Variants in PHKA1 observed in about 807,000 individuals in gnomAD.
PHKA1 encodes phosphorylase kinase regulatory subunit alpha 1.
PHKA1 carries 60 observed loss-of-function variants against 110.2 expected under a neutral mutation model. That is an observed-to-expected ratio of 0.54 (90% CI 0.44 to 0.68). PHKA1 has a LOEUF of 0.68. Ranked by LOEUF, PHKA1 falls within the 30% of genes least tolerant of loss-of-function variation. The probability of loss-of-function intolerance (pLI) is 0.00; values close to 1 mark genes in which losing one functional copy is unlikely to be tolerated. For missense variants in PHKA1, 801 were observed against 942.5 expected (o/e 0.85, Z 1.97); for synonymous variants, 316 against 333.6 (o/e 0.95, Z 0.58).
Position 72,599,833 on chromosome X carries a change from T to A in PHKA1, c.3072+2158A>T, listed in dbSNP as rs782286841. ...GCAGTTACCATAAAAGACGGTGACA[T>A]CAAATCTATACCCAGGGGATGACCA... On this transcript the variant is annotated intron_variant, in intron 28 of 31. Transcript: ENST00000373542. The A allele has an allele frequency of 3.1e-4, 172 of 549,909 alleles. No homozygotes were observed. The African/African-American group carries it at 3.5e-3, about 11-fold the overall frequency. 45.3% of individuals were successfully genotyped at this position (549,909 alleles called of 1,213,427 possible). A position where few individuals can be genotyped will look rare whatever the true frequency, so the allele number is the denominator to read the frequency against.
intron 26 of PHKA1, 78 bp from the exon 27 acceptor site, chrX:72,602,351 CT>C (rs1245627843): frequency 3.9e-5 from 23 of 592,495 alleles, no homozygotes; most frequent in African/African-American, 3.6e-4. Context: ...TTAAAAAAAA[CT>C]TTCATATATA....
intron 2 of PHKA1, chrX:72,707,990 G>A (rs2054316111): frequency 9.0e-6 from 1 of 111,314 alleles, no homozygotes; most frequent in Non-Finnish European, 1.9e-5. Context: ...TGGTCTGTGA[G>A]GAAGGACAGG....
chrX:72,705,850 T>C (rs1401550957), intron 2 of PHKA1, among the ~76,000 whole-genome samples: 3 of 112,036 alleles, frequency 2.7e-5, no homozygotes, highest in African/African-American at 9.7e-5. Flanking sequence ...TGTTTTCCAA[T>C]CATAACATCT....
At chrX:72,582,284 A>G in intron 31 of PHKA1, 114 bp downstream of exon 31, 1 of 532,768 alleles carries the variant, frequency 1.9e-6, no homozygotes, top group Non-Finnish European at 3.2e-6. Flanking sequence ...GGCCCAAAAA[A>G]GAAGTATGAG....
At chrX:72,621,966 T>A (rs2052985776) in intron 18 of PHKA1, 1 of 736,897 alleles carries the variant, frequency 1.4e-6, no homozygotes, top group African/African-American at 2.3e-5. Flanking sequence ...TCCAATGGAA[T>A]GAGTACTACA....
In PHKA1 at chrX:72,712,818, G is replaced by A. The variant is rs998259680; in HGVS notation, c.198C>T (p.Asp66=). 1.7e-6 allele frequency: 2 copies of A among 1,209,507 alleles called. No homozygotes were observed. The highest frequency in any genetic ancestry group is 2.2e-6 in the Non-Finnish European group (2 of 893,935). ...AGGCCTTTGCCTTATCCTCATCCCG[G>A]TCTGCATTCTTCCGATAGGCCAGGC... The part of the protein sequence containing the change: ...GLGLAYRKNA[D]RDEDKAKAYE... The change falls in exon 2 of 32, where the codon GAC becomes GAT. Residue 66 remains aspartate (D), a synonymous_variant. Transcript: ENST00000373542.
chrX:72,649,731 C>T (rs942653999), intron 13 of PHKA1, among the ~76,000 whole-genome samples: 8 of 111,031 alleles, frequency 7.2e-5, no homozygotes, highest in South Asian at 3.9e-4. Context: ...CAGTGGCTCG[C>T]GCCTGTAATC....
intron 23 of PHKA1, among the ~76,000 whole-genome samples, chrX:72,605,960 T>A (rs1556250658): frequency 4.4e-5 from 5 of 112,475 alleles, no homozygotes; most frequent in Non-Finnish European, 9.4e-5. Context: ...TACAAAGTAC[T>A]AAATTAATTT....
In PHKA1 at chrX:72,595,190, C is replaced by T. The variant is rs782818365; in HGVS notation, c.3073-1916G>A. The stretch of plus-strand genomic sequence containing the variant: ...CATCAACAGAATAAAAGATAAAAAA[C>T]GCATCATCTTAATAGATACAGAAAA... On this transcript the variant is annotated intron_variant, in intron 28 of 31. Coordinates refer to ENST00000373542, the MANE Select transcript of PHKA1 (RefSeq NM_002637.4). Among the ~76,000 whole-genome samples the T allele has an allele frequency of 3.6e-5, 4 of 111,533 alleles. No individual in the cohort carries two copies. The South Asian group carries it at 1.1e-3, about 31-fold the overall frequency.
chrX:72,626,896 C>T lies in PHKA1; in HGVS notation c.1793+75G>A, dbSNP rs1603258569. 4 of 780,630 alleles carry T rather than the reference C, an allele frequency of 5.1e-6. No individual in the cohort carries two copies. The Admixed American group carries it at 6.7e-5, about 13-fold the overall frequency. 64.3% of individuals were successfully genotyped at this position (780,630 alleles called of 1,213,427 possible). ...GGGACTATCATACACAGAAAGGCAT[C>T]ACAGGTATGCCACTACTATATCCAG... On this transcript the variant is annotated intron_variant, in intron 17 of 31. Transcript: ENST00000373542.
intron 29 of PHKA1, among the ~76,000 whole-genome samples, chrX:72,585,342 C>T (rs2052408196): frequency 9.0e-6 from 1 of 111,714 alleles, no homozygotes; most frequent in Admixed American, 9.5e-5. Flanking sequence ...AAGAATTTTT[C>T]ATCTGTGGAT....
intron 3 of PHKA1, among the ~76,000 whole-genome samples, chrX:72,701,546 C>T (rs1200135487): frequency 2.7e-5 from 3 of 111,372 alleles, no homozygotes; most frequent in African/African-American, 6.5e-5. Flanking sequence ...TGGTGAAACA[C>T]CGTCCCTACT....
chrX:72,596,392 G>C (rs1556234303), intron 28 of PHKA1, among the ~76,000 whole-genome samples: 1 of 111,273 alleles, frequency 9.0e-6, no homozygotes, highest in African/African-American at 3.3e-5. Flanking sequence ...CAAGCCTATA[G>C]TTAATGATAC....
At chrX:72,609,781 A>G in intron 22 of PHKA1, 78 bp from the exon 23 acceptor site, 1 of 713,114 alleles carries the variant, frequency 1.4e-6, no homozygotes, top group Non-Finnish European at 2.3e-6. Context: ...CAGCTGAAAA[A>G]CCTTTGCTCC....
intron 29 of PHKA1, among the ~76,000 whole-genome samples, chrX:72,587,762 A>G (rs2052455530): frequency 9.0e-6 from 1 of 111,539 alleles, no homozygotes; most frequent in Non-Finnish European, 1.9e-5. Flanking sequence ...TGGAAAGCAA[A>G]AAAAAGCAGG....
chrX:72,700,670 TC>T (rs1220759196), intron 3 of PHKA1, among the ~76,000 whole-genome samples: 1 of 111,911 alleles, frequency 8.9e-6, no homozygotes, highest in African/African-American at 3.2e-5. Context: ...AACTTTTTTT[TC>T]ATCCATGGAC....
chrX:72,642,938 A>T (rs2053314850), intron 14 of PHKA1, among the ~76,000 whole-genome samples: 1 of 111,760 alleles, frequency 8.9e-6, no homozygotes, highest in Non-Finnish European at 1.9e-5. Flanking sequence ...ACATTCCTAC[A>T]TCATAGCTAA....
chrX:72,681,647 A>T (rs1360024524), intron 5 of PHKA1, among the ~76,000 whole-genome samples: 1 of 82,744 alleles, frequency 1.2e-5, no homozygotes, highest in African/African-American at 4.6e-5. Flanking sequence ...CAGCCCGGCC[A>T]GCCACCCCGT....
At chrX:72,609,140 A>G (rs962058757) in intron 23 of PHKA1, among the ~76,000 whole-genome samples, 6 of 112,038 alleles carry the variant, frequency 5.4e-5, no homozygotes, top group Non-Finnish European at 7.5e-5. Flanking sequence ...ACTGTTTCCA[A>G]TTGGAGGCTG....
Sources: allele counts gnomAD v4.1 joint callset (sites outside exome capture counted in the v4.1 genomes callset), GRCh38; gene constraint gnomAD v4.1.1; transcripts MANE v1.5; gene names NCBI Gene and HGNC (gene_info 2026-07-23, HGNC 2026-07-21).